AKAP6: variants seen among roughly 807,000 people sequenced by gnomAD.
The protein encoded by AKAP6 is A-kinase anchor protein 6.
A neutral mutation model predicts 188.5 loss-of-function variants in AKAP6; 58 were observed. The ratio of observed to expected loss-of-function variants is 0.31; its 90% CI spans 0.25 to 0.38. The LOEUF (loss-of-function observed/expected upper bound fraction) is 0.38. Among genes scored for constraint, AKAP6 ranks in the 10% least tolerant of loss-of-function variants. The pLI is 1.00. For synonymous variants in AKAP6, 989 were observed against 998.6 expected (o/e 0.99, Z 0.18); for missense variants, 2,710 against 2,740.0 (o/e 0.99, Z 0.24).
chr14:32,719,582 C>T (rs1320540183), intron 9 of AKAP6, among the ~76,000 whole-genome samples: 1 of 152,114 alleles, frequency 6.6e-6, no homozygotes, highest in East Asian at 1.9e-4. Context: ...TATATAGTTT[C>T]TTCCTTATGA....
intron 4 of AKAP6, among the ~76,000 whole-genome samples, chr14:32,564,547 A>G (rs1345675431): frequency 6.6e-6 from 1 of 152,204 alleles, no homozygotes; most frequent in African/African-American, 2.4e-5. Flanking sequence ...AAGGATAGAT[A>G]TAGTGAATGG....
chr14:32,760,407 G>A (rs1306378300), intron 11 of AKAP6, among the ~76,000 whole-genome samples: 5 of 152,182 alleles, frequency 3.3e-5, no homozygotes, highest in Non-Finnish European at 7.3e-5. Flanking sequence ...GAAAGAGTAT[G>A]GAGGGCACAT....
intron 12 of AKAP6, among the ~76,000 whole-genome samples, chr14:32,796,172 A>G (rs907853140): frequency 1.3e-4 from 20 of 152,236 alleles, no homozygotes; most frequent in Non-Finnish European, 1.9e-4. Context: ...ATGGATAGGA[A>G]GAATCAGTAT....
At chr14:32,556,421 T>C (rs1178789397) in intron 4 of AKAP6, among the ~76,000 whole-genome samples, 3 of 152,272 alleles carry the variant, frequency 2.0e-5, no homozygotes, top group East Asian at 1.9e-4. Flanking sequence ...CAGCTCACTG[T>C]GGCCTTGACC....
chr14:32,834,531 G>GTGTTTTTTTTTTTTTTTTTTT lies in AKAP6; in HGVS notation c.*4727_*4728insGTTTTTTTTTTTTTTTTTTTT, dbSNP rs1437449754. 15 of 90,554 alleles carry GTGTTTTTTTTTTTTTTTTTTT rather than the reference G, an allele frequency of 1.7e-4. No individual in the cohort carries two copies. The highest frequency in any genetic ancestry group is 1.1e-3 in the South Asian group (3 of 2,624). 5.6% of individuals were successfully genotyped at this position (90,554 alleles called of 1,614,324 possible). A position where few individuals can be genotyped will look rare whatever the true frequency, so the allele number is the denominator to read the frequency against. ...ATCACACACTGCTTTTAGTTTCCAAGTCTTTTTTTTTTTTTTTTTTTTTAA... is the reference window on the plus strand; with the variant it reads ...ATCACACACTGCTTTTAGTTTCCAAGTGTTTTTTTTTTTTTTTTTTTTCTTTTTTTTTTTTTTTTTTTTTAA... On this transcript the variant is annotated 3_prime_UTR_variant, in exon 14 of 14. Coordinates refer to ENST00000280979, the MANE Select transcript of AKAP6 (RefSeq NM_004274.5).
intron 13 of AKAP6, among the ~76,000 whole-genome samples, chr14:32,825,441 G>A (rs1594990162): frequency 6.6e-6 from 1 of 152,304 alleles, no homozygotes; most frequent in Middle Eastern, 3.4e-3. Context: ...ATTGAGAACA[G>A]GCTCAGAAAG....
chr14:32,406,957 T>C (rs1407851193), intron 1 of AKAP6, among the ~76,000 whole-genome samples: 3 of 152,186 alleles, frequency 2.0e-5, no homozygotes, highest in Non-Finnish European at 2.9e-5. Flanking sequence ...ATGAAAACCT[T>C]GGAAGTTCTC....
chr14:32,484,575 C>T lies in AKAP6; in HGVS notation c.324+50758C>T, dbSNP rs1358631081. On this transcript the variant is annotated intron_variant, in intron 2 of 13. Coordinates refer to ENST00000280979, the MANE Select transcript of AKAP6 (RefSeq NM_004274.5). ...GGAACTAGTCAGTTGCCAAAGCCTC[C>T]GATTATGATAGGTATCACTATGAAG... is the stretch of plus-strand genomic sequence containing the variant. 13 of 209,920 alleles carry T rather than the reference C, an allele frequency of 6.2e-5. 5 individuals carry two copies. Among genetic ancestry groups the T allele is most frequent in the Middle Eastern group, 2.3e-3 (2 of 870 alleles). The allele number at this position is 209,920 out of a possible 1,614,324, so 13.0% of individuals were successfully genotyped here.
intron 7 of AKAP6, among the ~76,000 whole-genome samples, chr14:32,645,369 T>G (rs1056099652): frequency 6.6e-6 from 1 of 152,236 alleles, no homozygotes; most frequent in Admixed American, 6.5e-5. Flanking sequence ...CATTGCTGAT[T>G]GTCAATATAT....
chr14:32,490,596 C>T (rs950476227), intron 2 of AKAP6, among the ~76,000 whole-genome samples: 12 of 152,080 alleles, frequency 7.9e-5, no homozygotes, highest in Non-Finnish European at 1.2e-4. Context: ...TAAATTTTTA[C>T]CAGGGCCTCT....
chr14:32,611,104 T>C (rs961651665), intron 7 of AKAP6, among the ~76,000 whole-genome samples: 3 of 152,060 alleles, frequency 2.0e-5, no homozygotes, highest in Non-Finnish European at 2.9e-5. Context: ...GTAAGAGTGA[T>C]AGTCTGGAAG....
chr14:32,661,382 G>A (rs1018096038), intron 7 of AKAP6, among the ~76,000 whole-genome samples: 13 of 152,080 alleles, frequency 8.5e-5, no homozygotes, highest in African/African-American at 2.9e-4. Context: ...GGGAAGGAGT[G>A]ACAAAGCGGT....
intron 2 of AKAP6, among the ~76,000 whole-genome samples, chr14:32,524,469 A>G (rs141284545): frequency 1.3e-5 from 2 of 152,150 alleles, no homozygotes; most frequent in Non-Finnish European, 2.9e-5. Flanking sequence ...CTATATACAT[A>G]TATATTACAT....
intron 7 of AKAP6, among the ~76,000 whole-genome samples, chr14:32,608,643 C>A (rs1471672937): frequency 1.3e-5 from 2 of 152,024 alleles, no homozygotes; most frequent in Admixed American, 1.3e-4. Context: ...AGGGAAAAGT[C>A]ATTGACAGGA....
At chr14:32,791,897 T>A (rs2033620993) in intron 12 of AKAP6, among the ~76,000 whole-genome samples, 1 of 152,198 alleles carries the variant, frequency 6.6e-6, no homozygotes, top group African/African-American at 2.4e-5. Context: ...CCATTGCTTC[T>A]TTTTGTCAGG....
At chr14:32,602,754 T>C (rs1370222517) in intron 7 of AKAP6, among the ~76,000 whole-genome samples, 1 of 152,194 alleles carries the variant, frequency 6.6e-6, no homozygotes, top group African/African-American at 2.4e-5. Context: ...GGTTCTATTT[T>C]AATCCCCGAT....
At chr14:32,364,863 G>C (rs1161969916) in intron 1 of AKAP6, among the ~76,000 whole-genome samples, 4 of 152,096 alleles carry the variant, frequency 2.6e-5, no homozygotes, top group Admixed American at 2.0e-4. Context: ...GGTAGATTTA[G>C]GTTGCCAGAG....
intron 7 of AKAP6, among the ~76,000 whole-genome samples, chr14:32,637,890 C>T (rs979944635): frequency 1.3e-5 from 2 of 152,052 alleles, no homozygotes; most frequent in African/African-American, 4.8e-5. Context: ...ATCAATATCA[C>T]TTACACTGGA....
At chr14:32,397,329 G>C (rs1352077179) in intron 1 of AKAP6, among the ~76,000 whole-genome samples, 1 of 151,870 alleles carries the variant, frequency 6.6e-6, no homozygotes, top group East Asian at 1.9e-4. Context: ...AGGTTGAGTA[G>C]GTAAACCCAC....
Sources: gnomAD v4.1 joint callset for allele counts (sites outside exome capture counted in the v4.1 genomes callset) on GRCh38, gnomAD v4.1.1 for gene constraint, MANE v1.5 for transcripts, NCBI Gene and HGNC (gene_info 2026-07-23, HGNC 2026-07-21) for gene names.